Variants in CDON observed in about 807,000 individuals in gnomAD.
The protein encoded by CDON is cell adhesion associated, oncogene regulated.
Under a neutral mutation model 120.9 loss-of-function variants are expected in CDON, and 73 were observed. That is an observed-to-expected ratio of 0.60 (90% confidence interval 0.50 to 0.73). The LOEUF is 0.73. CDON is among the 30% of genes least tolerant of loss of function. CDON has a pLI of 0.00. For missense variants in CDON, 1,470 were observed against 1,587.3 expected (o/e 0.93, Z 1.26); for synonymous variants, 566 against 573.5 (o/e 0.99, Z 0.19).
rs1945648829 is a variant in CDON at position 125,961,711 on chromosome 11, A to G, written c.3631+13T>C. On this transcript the variant is annotated intron_variant, in intron 19 of 19. Transcript: ENST00000531738. The stretch of plus-strand genomic sequence containing the variant: ...ATGATCTGGAATCCTAAGGTTGATC[A>G]TGCCTTCCTGACCTCTGCTGAACTC... The G allele has an allele frequency of 2.5e-6, 4 of 1,614,166 alleles. No individual in the cohort carries two copies. The highest frequency in any genetic ancestry group is 2.5e-6 in the Non-Finnish European group (3 of 1,180,012).
intron 8 of CDON, among the ~76,000 whole-genome samples, chr11:126,009,696 C>T (rs1480526510): frequency 3.3e-5 from 5 of 152,190 alleles, no homozygotes; most frequent in Non-Finnish European, 7.3e-5. Context: ...AATCTACACC[C>T]AACTGACTAG....
rs886047961 is a variant in CDON, at chr11:125,958,747, C to G, written c.*2195G>C. The G allele has an allele frequency of 2.0e-5, 3 of 152,662 alleles. No homozygotes were observed. The highest frequency in any genetic ancestry group is 6.8e-3 in the Middle Eastern group (2 of 294). 9.5% of individuals were successfully genotyped at this position (152,662 alleles called of 1,614,324 possible). On this transcript the variant is annotated 3_prime_UTR_variant, in exon 20 of 20. Coordinates refer to ENST00000531738, the MANE Select transcript of CDON (RefSeq NM_001378964.1). ...AAAGGTAAAGCCATTTTCTCTTCCT[C>G]GTGGACAGATCCCATATTCAAACTC...
chr11:125,989,651 A>T lies in CDON; in HGVS notation c.2759T>A (p.Ile920Asn). The T allele has an allele frequency of 6.2e-7, 1 of 1,613,408 alleles. No homozygotes were observed. Among genetic ancestry groups the T allele is most frequent in the Non-Finnish European group, 8.5e-7 (1 of 1,179,524 alleles). ...AATTCTCCTACCTTTAGTCTCGCAG[A>T]TCATCACATTGCTAAATTCACTTTC... ...GGESEFSNVM[I>N]CETKVKRVPG... Residue 920 changes from isoleucine to asparagine, a missense_variant, in exon 15 of 20, where the codon ATC becomes AAC. By Grantham distance (149) the Ile-to-Asn change is moderately radical. Transcript: ENST00000531738.
rs768149853 is a variant in CDON at position 125,961,892 on chromosome 11, C to T, written c.3463G>A (p.Val1155Met). Residue 1155 changes from valine to methionine, a missense_variant, in exon 19 of 20, where the codon GTG (valine) becomes ATG (methionine). Coordinates refer to ENST00000531738, the MANE Select transcript of CDON (RefSeq NM_001378964.1). ...GAAGTCAGGCATACAGGCACCTTCA[C>T]GTGACTGAGGGGCTTCATTTCCAAA... ...DGLEMKPLSH[V>M]KVPVCLTSAV... 11 of 1,614,062 alleles carry T rather than the reference C, an allele frequency of 6.8e-6. No individual in the cohort carries two copies. Among genetic ancestry groups the T allele is most frequent in the East Asian group, 4.5e-5 (2 of 44,892 alleles).
chr11:125,966,157 G>A (rs915158779), intron 18 of CDON, among the ~76,000 whole-genome samples: 3 of 149,330 alleles, frequency 2.0e-5, no homozygotes, highest in Non-Finnish European at 4.5e-5. Flanking sequence ...AAAAAAATTC[G>A]ATAAAAAGTA....
At chr11:126,033,946 A>G (rs933609855) in intron 1 of CDON, among the ~76,000 whole-genome samples, 1 of 152,128 alleles carries the variant, frequency 6.6e-6, no homozygotes, top group African/African-American at 2.4e-5. Context: ...CTCCCAGTCC[A>G]TAGGAGGAAC....
intron 1 of CDON, among the ~76,000 whole-genome samples, chr11:126,058,852 A>C (rs751802852): frequency 6.6e-6 from 1 of 152,226 alleles, no homozygotes; most frequent in South Asian, 2.1e-4. Context: ...GTTTCTCAAA[A>C]ATTTTGCTCC....
chr11:125,983,158 T>G (rs547412817), intron 16 of CDON, among the ~76,000 whole-genome samples: 4 of 152,122 alleles, frequency 2.6e-5, no homozygotes, highest in Non-Finnish European at 5.9e-5. Context: ...ACCAAAAAAC[T>G]TCCTCCCACC....
chr11:126,049,236 A>C (rs966696284), intron 1 of CDON, among the ~76,000 whole-genome samples: 4 of 152,240 alleles, frequency 2.6e-5, no homozygotes, highest in Non-Finnish European at 4.4e-5. Flanking sequence ...CAAATTAAAA[A>C]AAGAAAAACT....
intron 1 of CDON, among the ~76,000 whole-genome samples, chr11:126,059,710 T>C (rs1199054142): frequency 6.6e-6 from 1 of 152,122 alleles, no homozygotes; most frequent in Non-Finnish European, 1.5e-5. Context: ...AATTTTCAGC[T>C]CTATTCACTA....
At chr11:126,011,635 T>C (rs1001343943) in intron 7 of CDON, among the ~76,000 whole-genome samples, 2 of 152,226 alleles carry the variant, frequency 1.3e-5, no homozygotes, top group African/African-American at 4.8e-5. Flanking sequence ...TTTGTTTAGG[T>C]ATGCATGTGA....
chr11:126,040,541 C>T (rs1407242864), intron 1 of CDON, among the ~76,000 whole-genome samples: 10 of 152,120 alleles, frequency 6.6e-5, no homozygotes, highest in South Asian at 2.1e-4. Context: ...AAAGGCCGGG[C>T]GCGGTGGCTC....
intron 18 of CDON, among the ~76,000 whole-genome samples, chr11:125,972,398 G>T (rs1169017952): frequency 2.6e-5 from 4 of 152,086 alleles, no homozygotes; most frequent in Non-Finnish European, 5.9e-5. Flanking sequence ...CTGCACTCCA[G>T]CCTGGGTACT....
intron 1 of CDON, among the ~76,000 whole-genome samples, chr11:126,057,085 A>C (rs989541370): frequency 6.6e-6 from 1 of 152,180 alleles, no homozygotes; most frequent in Non-Finnish European, 1.5e-5. Context: ...ACAGTTTTCA[A>C]AGTATTTGGT....
chr11:126,004,301 T>A (rs1947052826), intron 9 of CDON: 1 of 564,602 alleles, frequency 1.8e-6, no homozygotes, highest in African/African-American at 1.9e-5. Context: ...TGGCTCTGCA[T>A]CTGACCACTA....
chr11:125,984,042 G>A lies in CDON; in HGVS notation c.2825C>T (p.Pro942Leu), dbSNP rs771490194. The A allele has an allele frequency of 2.5e-6, 4 of 1,614,026 alleles. No individual in the cohort carries two copies. Among genetic ancestry groups the A allele is most frequent in the Non-Finnish European group, 3.4e-6 (4 of 1,179,948 alleles). Residue 942 changes from proline to leucine, a missense_variant, in exon 16 of 20, where the codon CCT becomes CTT. Physicochemically the swap from Pro to Leu is moderately conservative, Grantham distance 98 (BLOSUM62 -3). Transcript: ENST00000531738. ...TCCTCCACTTCCCAAAGAATTTGGAGGGGTACTCAAGTCTTTGACAGGATA... is the reference window on the plus strand; with the variant it reads ...TCCTCCACTTCCCAAAGAATTTGGAAGGGTACTCAAGTCTTTGACAGGATA... ...SEYPVKDLST[P>L]PNSLGSGGNV...
chr11:126,034,225 G>A lies in CDON; in HGVS notation c.-61-10688C>T, dbSNP rs1274000119. Among the ~76,000 whole-genome samples the A allele has an allele frequency of 1.3e-5, 2 of 152,144 alleles. No individual in the cohort carries two copies. The highest frequency in any genetic ancestry group is 2.9e-5 in the Non-Finnish European group (2 of 68,026). ...AGCCAAGCATACAAACGATCCTGCTGCCTGCGAAAGCATTTCCTTTCACCG... is the reference window on the plus strand; with the variant it reads ...AGCCAAGCATACAAACGATCCTGCTACCTGCGAAAGCATTTCCTTTCACCG... On this transcript the variant is annotated intron_variant, in intron 1 of 19. Transcript: ENST00000531738. The surrounding 1 kb of genome is among the most constrained non-coding windows in gnomAD (Gnocchi z 4.5).
chr11:126,010,577 T>A lies in CDON; in HGVS notation c.1316A>T (p.Tyr439Phe). ...SGLPVPVIRWYDSHGLITSHP... is the reference protein window; with the variant it reads ...SGLPVPVIRWFDSHGLITSHP... The stretch of plus-strand genomic sequence containing the variant: ...GCTGGTTATCAATCCATGGCTGTCA[T>A]ACCAACGAATGACCGGAACCGGCAG... Residue 439 changes from tyrosine (Y) to phenylalanine (F), a missense_variant, in exon 8 of 20, where the codon TAT (tyrosine) becomes TTT (phenylalanine). Physicochemically the swap from Tyr to Phe is conservative, Grantham distance 22. Coordinates refer to ENST00000531738, the MANE Select transcript of CDON (RefSeq NM_001378964.1). The A allele has an allele frequency of 6.2e-7, 1 of 1,614,092 alleles. No individual in the cohort carries two copies. The highest frequency in any genetic ancestry group is 8.5e-7 in the Non-Finnish European group (1 of 1,179,990).
intron 1 of CDON, among the ~76,000 whole-genome samples, chr11:126,043,228 G>T (rs1159798061): frequency 6.6e-6 from 1 of 152,038 alleles, no homozygotes; most frequent in Non-Finnish European, 1.5e-5. Context: ...TTGGGCCTCT[G>T]GTTGGCTCCT....
Sources: allele counts gnomAD v4.1 joint callset (sites outside exome capture counted in the v4.1 genomes callset), GRCh38; gene constraint gnomAD v4.1.1; non-coding constraint Gnocchi (gnomAD v3.1); transcripts MANE v1.5; gene names NCBI Gene and HGNC (gene_info 2026-07-23, HGNC 2026-07-21).